Variants in AHI1 observed in about 807,000 individuals in gnomAD.
AHI1 encodes jouberin.
AHI1 carries 123 observed loss-of-function variants against 149.3 expected under a neutral mutation model. The ratio of observed to expected loss-of-function variants is 0.82; its 90% confidence interval spans 0.71 to 0.96. AHI1 has a LOEUF of 0.96. Ranked by LOEUF, AHI1 falls within the 40% of genes least tolerant of loss-of-function variation. AHI1 has a pLI of 0.00. For missense variants in AHI1, 1,439 were observed against 1,422.7 expected, an observed-to-expected ratio of 1.01 and a Z score of -0.18; for synonymous variants, 475 against 459.8, an observed-to-expected ratio of 1.03 and a Z score of -0.42.
chr6:135,318,820 T>C (rs893599415), intron 25 of AHI1, among the ~76,000 whole-genome samples: 19 of 152,244 alleles, frequency 1.2e-4, no homozygotes, highest in Non-Finnish European at 2.4e-4. Context: ...TTGGAAAATT[T>C]TAATCATCTG....
intron 28 of AHI1, 70 bp downstream of exon 28, chr6:135,290,353 G>T: frequency 1.1e-6 from 1 of 947,032 alleles, no homozygotes; most frequent in Non-Finnish European, 1.7e-6. Flanking sequence ...ATTTGTCCTT[G>T]CTGACCATGC....
intron 24 of AHI1, among the ~76,000 whole-genome samples, chr6:135,340,511 T>C (rs879735043): frequency 1.3e-5 from 2 of 151,530 alleles, no homozygotes; most frequent in Non-Finnish European, 2.9e-5. Flanking sequence ...TTGTTGCTTG[T>C]GGACCTGCCC....
chr6:135,468,084 C>T (rs933129602), intron 5 of AHI1, among the ~76,000 whole-genome samples: 1 of 151,980 alleles, frequency 6.6e-6, no homozygotes, highest in African/African-American at 2.4e-5. Flanking sequence ...TTAAAAAATG[C>T]TGAAAGAACT....
At chr6:135,448,168 A>C in intron 12 of AHI1, 122 bp downstream of exon 12, 1 of 609,128 alleles carries the variant, frequency 1.6e-6, no homozygotes, top group Non-Finnish European at 2.4e-6. Context: ...TTAATATATA[A>C]CCCCAGAAAT....
chr6:135,435,593 G>A (rs535126055), intron 15 of AHI1, among the ~76,000 whole-genome samples: 1 of 152,174 alleles, frequency 6.6e-6, no homozygotes, highest in East Asian at 1.9e-4. Context: ...CATGAGAAAA[G>A]AATGTTGGGT....
intron 24 of AHI1, among the ~76,000 whole-genome samples, chr6:135,334,480 A>C (rs76921235): frequency 6.6e-6 from 1 of 152,222 alleles, no homozygotes; most frequent in Non-Finnish European, 1.5e-5. Flanking sequence ...TCAGTCATTT[A>C]TAAGTCACTC....
intron 19 of AHI1, among the ~76,000 whole-genome samples, chr6:135,428,420 T>C (rs1458531654): frequency 6.6e-6 from 1 of 151,690 alleles, no homozygotes; most frequent in Non-Finnish European, 1.5e-5. Flanking sequence ...TCTAAATCCA[T>C]AAAGATATTA....
At chr6:135,398,058 G>GTTTTTTTTTTTTTTT (rs68148024) in intron 22 of AHI1, among the ~76,000 whole-genome samples, 1 of 88,428 alleles carries the variant, frequency 1.1e-5, no homozygotes, top group Non-Finnish European at 2.2e-5. Context: ...TACCCAGGAT[G>GTTTTTTTTTTTTTTT]TTTTTTTTTT....
chr6:135,471,030 T>G (rs1306569386), intron 5 of AHI1, among the ~76,000 whole-genome samples: 1 of 152,200 alleles, frequency 6.6e-6, no homozygotes. Context: ...ATGGGGCATA[T>G]GCAAATTTTT....
At chr6:135,456,667 T>A (rs1319300538) in intron 9 of AHI1, among the ~76,000 whole-genome samples, 1 of 152,254 alleles carries the variant, frequency 6.6e-6, no homozygotes, top group Non-Finnish European at 1.5e-5. Flanking sequence ...ATGGGCTTTT[T>A]TTGGACAATC....
At chr6:135,388,119 T>C (rs1777886536) in intron 23 of AHI1, 1 of 1,432,248 alleles carries the variant, frequency 7.0e-7, no homozygotes, top group South Asian at 1.2e-5. Context: ...TTTAAGGGCA[T>C]CTGCCTATAG....
At chr6:135,482,448 A>G (rs1793798784) in intron 5 of AHI1, among the ~76,000 whole-genome samples, 1 of 151,502 alleles carries the variant, frequency 6.6e-6, no homozygotes. Context: ...AAACCTGGAC[A>G]GGCCATGCCA....
In AHI1 at chr6:135,453,221, A is replaced by G. The variant is rs947761861; in HGVS notation, c.1440+120T>C. 3.5e-5 allele frequency: 27 copies of G among 775,504 alleles called. No individual in the cohort carries two copies. The Admixed American group carries it at 6.1e-4, about 17-fold the overall frequency. 48.0% of individuals were successfully genotyped at this position (775,504 alleles called of 1,614,324 possible). On this transcript the variant is annotated intron_variant, in intron 11 of 28. Transcript: ENST00000265602. ...CCTGAGCTTGAATTAGTAACTCTTC[A>G]TCCCTACAACATTACCTTAGATTCT... is the stretch of plus-strand genomic sequence containing the variant.
chr6:135,367,907 T>TG (rs1352219264), intron 23 of AHI1, among the ~76,000 whole-genome samples: 1 of 152,082 alleles, frequency 6.6e-6, no homozygotes, highest in Non-Finnish European at 1.5e-5. Context: ...TGTGATCTTT[T>TG]GGGGGTGTTA....
chr6:135,461,287 C>G (rs548453686), intron 8 of AHI1, among the ~76,000 whole-genome samples: 2 of 152,020 alleles, frequency 1.3e-5, no homozygotes, highest in African/African-American at 4.8e-5. Flanking sequence ...ATGTCAAAAT[C>G]TAAGTAGTTA....
chr6:135,343,194 C>T (rs981317132), intron 24 of AHI1, among the ~76,000 whole-genome samples: 10 of 152,024 alleles, frequency 6.6e-5, no homozygotes, highest in African/African-American at 1.9e-4. Context: ...CTGAACATAA[C>T]ACCAATTCCA....
At chr6:135,352,701 G>GTATATATATATA (rs557236679) in intron 24 of AHI1, among the ~76,000 whole-genome samples, 1 of 129,434 alleles carries the variant, frequency 7.7e-6, no homozygotes, top group African/African-American at 3.6e-5. Flanking sequence ...CATTGTGTGT[G>GTATATATATATA]TATATATATA....
chr6:135,336,557 C>A (rs1346967462), intron 24 of AHI1, among the ~76,000 whole-genome samples: 2 of 152,148 alleles, frequency 1.3e-5, no homozygotes, highest in Non-Finnish European at 2.9e-5. Flanking sequence ...GAGATCATGC[C>A]ACTGCACTCC....
chr6:135,344,926 T>TCACACACACACACACACACACACACA (rs59084001), intron 24 of AHI1, among the ~76,000 whole-genome samples: 116 of 145,782 alleles, frequency 8.0e-4, no homozygotes, highest in African/African-American at 2.8e-3. Flanking sequence ...AAGCTCTGAT[T>TCACACACACACACACACACACACACA]CACACACACA....
Sources: allele counts gnomAD v4.1 joint callset (sites outside exome capture counted in the v4.1 genomes callset), GRCh38; gene constraint gnomAD v4.1.1; transcripts MANE v1.5; gene names NCBI Gene and HGNC (gene_info 2026-07-23, HGNC 2026-07-21).